The following ULK4 variants were observed in gnomAD, a reference collection of about 807,000 sequenced individuals.
The protein encoded by ULK4 is unc-51 like kinase 4, also known as inactive serine/threonine-protein kinase ULK4.
In ULK4, 133 loss-of-function variants were observed where a neutral mutation model predicts 160.6. The ratio of observed to expected loss-of-function variants is 0.83; its 90% CI spans 0.72 to 0.96. The LOEUF (loss-of-function observed/expected upper bound fraction) is 0.96, where lower values mean the gene tolerates loss of function less well. Among genes scored for constraint, ULK4 ranks in the 40% least tolerant of loss-of-function variants. The pLI is 0.00. For synonymous variants in ULK4, 534 were observed against 539.8 expected, an observed-to-expected ratio of 0.99 and a Z score of 0.15; for missense variants, 1,580 against 1,499.5, an observed-to-expected ratio of 1.05 and a Z score of -0.89.
intron 3 of ULK4, among the ~76,000 whole-genome samples, chr3:41,936,679 G>C (rs145333275): frequency 6.6e-6 from 1 of 152,140 alleles, no homozygotes; most frequent in Non-Finnish European, 1.5e-5. Flanking sequence ...GACAAACATC[G>C]CATGTCCTCA....
At chr3:41,266,096 G>GCAAC (rs1405869250) in intron 35 of ULK4, among the ~76,000 whole-genome samples, 1 of 152,206 alleles carries the variant, frequency 6.6e-6, no homozygotes, top group Admixed American at 6.5e-5. Flanking sequence ...GCCTCCAAGG[G>GCAAC]CAACATCAAA....
chr3:41,689,234 G>A (rs1420371371), intron 27 of ULK4, among the ~76,000 whole-genome samples: 1 of 152,114 alleles, frequency 6.6e-6, no homozygotes, highest in Non-Finnish European at 1.5e-5. Flanking sequence ...AAAACAACCT[G>A]TTTGTTCTCA....
At chr3:41,477,727 G>T (rs111518659) in intron 32 of ULK4, among the ~76,000 whole-genome samples, 10 of 152,316 alleles carry the variant, frequency 6.6e-5, no homozygotes, top group African/African-American at 2.4e-4. Context: ...GGTTATAAAT[G>T]TAAGTATCTG....
At chr3:41,591,964 T>A (rs904139691) in intron 31 of ULK4, among the ~76,000 whole-genome samples, 6 of 152,236 alleles carry the variant, frequency 3.9e-5, no homozygotes, top group Admixed American at 3.3e-4. Context: ...CAGGATAGAC[T>A]GCAGCTCCCA....
At position 41,687,334 on chromosome 3, in the gene ULK4, C is replaced by A. The variant is rs375731467; in HGVS notation, c.2782-5530G>T. ...GTTGCCGTGTGCCAAGATCACACCA[C>A]TGCACTCCAGTCTGGCGATGAAGAG... is the stretch of plus-strand genomic sequence containing the variant. On this transcript the variant is annotated intron_variant, in intron 27 of 36. Coordinates refer to ENST00000301831, the MANE Select transcript of ULK4 (RefSeq NM_017886.4). 5.9e-5 allele frequency among the ~76,000 whole-genome samples: 9 copies of A among 151,540 alleles called. No individual in the cohort carries two copies. In the East Asian group the frequency reaches 9.7e-4, roughly 16 times the overall value.
rs758331927 is a variant in ULK4, at chr3:41,455,482, C to G, written c.3492+15G>C. On this transcript the variant is annotated intron_variant, in intron 34 of 36. Coordinates refer to ENST00000301831, the MANE Select transcript of ULK4 (RefSeq NM_017886.4). ...CTTCAGTAATGCCCCAAAAGACATA[C>G]AGGTGAGCTCTTACCAGTGGAATGA... The G allele has an allele frequency of 2.5e-6, 4 of 1,609,220 alleles. No individual in the cohort carries two copies. The highest frequency in any genetic ancestry group is 3.4e-6 in the Non-Finnish European group (4 of 1,177,282).
chr3:41,565,275 G>A (rs2087746158), intron 32 of ULK4, among the ~76,000 whole-genome samples: 1 of 152,202 alleles, frequency 6.6e-6, no homozygotes, highest in South Asian at 2.1e-4. Context: ...AAATGCATAA[G>A]ATATAAAGTA....
At chr3:41,882,637 G>A (rs888604806) in intron 17 of ULK4, among the ~76,000 whole-genome samples, 1 of 152,122 alleles carries the variant, frequency 6.6e-6, no homozygotes, top group African/African-American at 2.4e-5. Context: ...TGCAACTACT[G>A]AATCATTTAA....
At chr3:41,349,981 G>A (rs1234653056) in intron 35 of ULK4, among the ~76,000 whole-genome samples, 5 of 152,080 alleles carry the variant, frequency 3.3e-5, no homozygotes, top group African/African-American at 1.2e-4. Context: ...TAAATTCTCT[G>A]TGCTATTTCA....
Position 41,612,954 on chromosome 3 carries a change from A to G in ULK4, c.3120+2715T>C, listed in dbSNP as rs532966102. On this transcript the variant is annotated intron_variant, in intron 31 of 36. Coordinates refer to ENST00000301831, the MANE Select transcript of ULK4 (RefSeq NM_017886.4). The stretch of plus-strand genomic sequence containing the variant: ...AGCTGGAAAACAGGGATGGGCTAAA[A>G]GTAAAGAAAAAAGTCATCAGGAGGT... Among the ~76,000 whole-genome samples the G allele has an allele frequency of 5.4e-4, 83 of 152,376 alleles. 2 individuals carry two copies. The South Asian group carries it at 0.016, about 30-fold the overall frequency.
chr3:41,739,881 G>A (rs921447976), intron 22 of ULK4, among the ~76,000 whole-genome samples: 1 of 151,826 alleles, frequency 6.6e-6, no homozygotes, highest in African/African-American at 2.4e-5. Context: ...TACTAATGAT[G>A]CTGAATATCT....
At chr3:41,599,968 G>C (rs1049266550) in intron 31 of ULK4, among the ~76,000 whole-genome samples, 4 of 152,128 alleles carry the variant, frequency 2.6e-5, no homozygotes, top group African/African-American at 4.8e-5. Flanking sequence ...ACAAAAACAA[G>C]CATTATCCAC....
At chr3:41,473,754 A>T (rs186554307) in intron 32 of ULK4, among the ~76,000 whole-genome samples, 2 of 152,096 alleles carry the variant, frequency 1.3e-5, no homozygotes, top group East Asian at 3.9e-4. Flanking sequence ...TAGTTGTAAA[A>T]AAATACTTAT....
At chr3:41,697,625 G>T (rs768365814) in intron 27 of ULK4, among the ~76,000 whole-genome samples, 1 of 152,148 alleles carries the variant, frequency 6.6e-6, no homozygotes, top group Middle Eastern at 3.4e-3. Flanking sequence ...CTACAGGCAT[G>T]CATCACCATG....
intron 2 of ULK4, among the ~76,000 whole-genome samples, chr3:41,949,140 C>CT (rs1700204287): frequency 6.6e-6 from 1 of 151,714 alleles, no homozygotes; most frequent in South Asian, 2.1e-4. Context: ...AACCCCGTCT[C>CT]TACTAAAAAT....
At chr3:41,587,427 T>C (rs1162441063) in intron 31 of ULK4, among the ~76,000 whole-genome samples, 3 of 152,172 alleles carry the variant, frequency 2.0e-5, no homozygotes, top group Non-Finnish European at 4.4e-5. Flanking sequence ...CCTTTTGGCA[T>C]GTAGTGGGGA....
Position 41,959,546 on chromosome 3 carries a change from ATTAAAAAC to A in ULK4, c.-49+2462_-49+2469del, listed in dbSNP as rs1176905846. 1.8e-4 allele frequency among the ~76,000 whole-genome samples: 27 copies of A among 152,106 alleles called. 1 individual carries two copies. Among genetic ancestry groups the A allele is most frequent in the Non-Finnish European group, 2.9e-5 (2 of 68,020 alleles). On this transcript the variant is annotated intron_variant, in intron 1 of 36. Transcript: ENST00000301831. ...CAAAAAAAATAATAATAATTAATTAATTAAAAACAAAAAGGCACTGGTTAGTATCTTTC... is the reference window on the plus strand; with the variant it reads ...CAAAAAAAATAATAATAATTAATTAAAAAAAGGCACTGGTTAGTATCTTTC...
rs1231701221 is a variant in ULK4 at position 41,376,952 on chromosome 3, T to C, written c.3678+21127A>G. ...AGCCAAAAGAACAAAGCTGGAGGCA[T>C]CACACTACCTGACTTCAAACTATAC... On this transcript the variant is annotated intron_variant, in intron 35 of 36. Coordinates refer to ENST00000301831, the MANE Select transcript of ULK4 (RefSeq NM_017886.4). 8.6e-5 allele frequency among the ~76,000 whole-genome samples: 13 copies of C among 150,536 alleles called. 1 individual carries two copies. Among genetic ancestry groups the C allele is most frequent in the African/African-American group, 3.2e-4 (13 of 40,560 alleles).
rs534437146 is a variant in ULK4 at position 41,753,060 on chromosome 3, T to TA, written c.2321+1300dup. On this transcript the variant is annotated intron_variant, in intron 22 of 36. Transcript: ENST00000301831. ...AGACCCTGTCTCTATCAAAACATTTTAAAAAGTATCTGGGCATGATGGCAT... is the reference window on the plus strand; with the variant it reads ...AGACCCTGTCTCTATCAAAACATTTTAAAAAAGTATCTGGGCATGATGGCAT... 7.3e-4 allele frequency among the ~76,000 whole-genome samples: 111 copies of TA among 152,062 alleles called. 1 individual carries two copies. The highest frequency in any genetic ancestry group is 1.4e-3 in the Non-Finnish European group (94 of 67,976).
Sources: allele counts gnomAD v4.1 joint callset (sites outside exome capture counted in the v4.1 genomes callset), GRCh38; gene constraint gnomAD v4.1.1; transcripts MANE v1.5; gene names NCBI Gene and HGNC (gene_info 2026-07-23, HGNC 2026-07-21).